The following PCBP3 variants were observed in gnomAD, a reference collection of about 807,000 sequenced individuals.
The protein encoded by PCBP3 is poly(rC)-binding protein 3.
A neutral mutation model predicts 52.7 loss-of-function variants in PCBP3; 25 were observed. The ratio of observed to expected loss-of-function variants is 0.47; its 90% confidence interval spans 0.35 to 0.66. The LOEUF is 0.66. PCBP3 is among the 30% of genes least tolerant of loss of function. The pLI, the probability that PCBP3 is intolerant of heterozygous loss-of-function variation, is 0.01. For missense variants in PCBP3, 391 were observed against 490.3 expected (o/e 0.80, Z 1.91); for synonymous variants, 162 against 183.0 (o/e 0.89, Z 0.93).
intron 5 of PCBP3, among the ~76,000 whole-genome samples, chr21:45,879,031 G>T (rs1569419925): frequency 6.6e-6 from 1 of 152,158 alleles, no homozygotes; most frequent in Non-Finnish European, 1.5e-5. Flanking sequence ...TGTCACCCAG[G>T]CTGGAGTGCA....
At chr21:45,839,938 C>T (rs548152314) in intron 4 of PCBP3, among the ~76,000 whole-genome samples, 2 of 152,122 alleles carry the variant, frequency 1.3e-5, no homozygotes, top group South Asian at 4.2e-4. Context: ...CCACCTGCCT[C>T]GGCCTCCCAA....
At chr21:45,747,053 G>A (rs184822639) in intron 3 of PCBP3, among the ~76,000 whole-genome samples, 113 of 152,274 alleles carry the variant, frequency 7.4e-4, no homozygotes, top group African/African-American at 2.6e-3. Context: ...AGAGATACCC[G>A]AGACTGGGTA....
At chr21:45,726,097 C>T (rs1057370830) in intron 2 of PCBP3, among the ~76,000 whole-genome samples, 4 of 151,980 alleles carry the variant, frequency 2.6e-5, no homozygotes, top group East Asian at 2.0e-4. Flanking sequence ...TGGTGCGTGC[C>T]GAGGCTGCCA....
chr21:45,889,739 CG>C (rs1214947807), intron 5 of PCBP3, among the ~76,000 whole-genome samples: 2 of 152,192 alleles, frequency 1.3e-5, no homozygotes, highest in Non-Finnish European at 2.9e-5. Context: ...TGTTTGTTGC[CG>C]TGAGTGCTGC....
chr21:45,766,476 G>A (rs756397445), intron 4 of PCBP3, among the ~76,000 whole-genome samples: 1 of 152,246 alleles, frequency 6.6e-6, no homozygotes, highest in African/African-American at 2.4e-5. Flanking sequence ...CAGGGAGGCA[G>A]CCATCTGCAA....
intron 1 of PCBP3, among the ~76,000 whole-genome samples, chr21:45,653,198 T>C (rs2079799294): frequency 6.6e-6 from 1 of 152,220 alleles, no homozygotes; most frequent in African/African-American, 2.4e-5. Context: ...GATATTCCTA[T>C]GTGCCTGGAA....
intron 4 of PCBP3, among the ~76,000 whole-genome samples, chr21:45,819,805 G>T (rs1024572391): frequency 6.6e-6 from 1 of 152,266 alleles, no homozygotes; most frequent in Admixed American, 6.5e-5. Context: ...TAGCAGATGG[G>T]TGTGCGGGCA....
At chr21:45,936,349 C>T (rs2076888939) in intron 16 of PCBP3, among the ~76,000 whole-genome samples, 1 of 152,230 alleles carries the variant, frequency 6.6e-6, no homozygotes, top group South Asian at 2.1e-4. Flanking sequence ...GCAATGTGCA[C>T]TCTAGGCCTT....
chr21:45,896,157 G>A (rs1165740081), intron 5 of PCBP3, 51 bp from the exon 6 acceptor site: 1 of 1,530,760 alleles, frequency 6.5e-7, no homozygotes, highest in East Asian at 2.5e-5. Flanking sequence ...CCCTGGATGT[G>A]CGTGGTCCGT....
At chr21:45,883,672 A>G (rs1305751165) in intron 5 of PCBP3, among the ~76,000 whole-genome samples, 1 of 151,840 alleles carries the variant, frequency 6.6e-6, no homozygotes, top group Non-Finnish European at 1.5e-5. Flanking sequence ...TCTGACGTCT[A>G]TTTTTTCCGA....
intron 2 of PCBP3, among the ~76,000 whole-genome samples, chr21:45,695,044 C>G (rs1252751640): frequency 6.6e-6 from 1 of 152,052 alleles, no homozygotes; most frequent in Non-Finnish European, 1.5e-5. Context: ...TCTCCACCAG[C>G]CATTATGAGG....
At chr21:45,860,929 G>A (rs991592531) in intron 5 of PCBP3, among the ~76,000 whole-genome samples, 1 of 152,170 alleles carries the variant, frequency 6.6e-6, no homozygotes, top group Non-Finnish European at 1.5e-5. Flanking sequence ...CCTCCACTCC[G>A]AGGCTGCTGG....
intron 9 of PCBP3, chr21:45,901,408 A>G (rs1457308884): frequency 1.9e-5 from 7 of 364,766 alleles, no homozygotes; most frequent in Non-Finnish European, 3.7e-5. Flanking sequence ...ACGGCCTCAG[A>G]ACACCCCACC....
intron 5 of PCBP3, among the ~76,000 whole-genome samples, chr21:45,892,847 C>T (rs935412536): frequency 2.1e-4 from 32 of 152,182 alleles, no homozygotes; most frequent in African/African-American, 7.5e-4. Context: ...TCTTAGTGAC[C>T]GTCTCCACTG....
intron 5 of PCBP3, among the ~76,000 whole-genome samples, chr21:45,867,777 C>T (rs557693977): frequency 4.0e-4 from 61 of 152,394 alleles, no homozygotes; most frequent in Non-Finnish European, 7.6e-4. Context: ...CTGGACGCAG[C>T]GTCTTCCTTC....
chr21:45,662,271 G>GTTTT (rs59220095), intron 1 of PCBP3, among the ~76,000 whole-genome samples: 24 of 97,270 alleles, frequency 2.5e-4, no homozygotes, highest in African/African-American at 5.6e-4. Context: ...ATATACCTAA[G>GTTTT]TTTTTTTTTT....
At chr21:45,666,320 A>G (rs1192829511) in intron 1 of PCBP3, among the ~76,000 whole-genome samples, 1 of 152,214 alleles carries the variant, frequency 6.6e-6, no homozygotes, top group Non-Finnish European at 1.5e-5. Context: ...AAAAGAGGAA[A>G]TAATACTATT....
At chr21:45,730,240 G>A (rs578100837) in intron 2 of PCBP3, among the ~76,000 whole-genome samples, 1 of 151,616 alleles carries the variant, frequency 6.6e-6, no homozygotes, top group African/African-American at 2.4e-5. Context: ...TTTTATTCAG[G>A]TCAAAATGCT....
At chr21:45,870,001 G>T (rs997563936) in intron 5 of PCBP3, among the ~76,000 whole-genome samples, 3 of 152,052 alleles carry the variant, frequency 2.0e-5, no homozygotes, top group African/African-American at 7.2e-5. Flanking sequence ...AATTTTTTGT[G>T]TATGTTTCTT....
Sources: gnomAD v4.1 joint callset for allele counts (sites outside exome capture counted in the v4.1 genomes callset) on GRCh38, gnomAD v4.1.1 for gene constraint, MANE v1.5 for transcripts, NCBI Gene and HGNC (gene_info 2026-07-23, HGNC 2026-07-21) for gene names.